Variants in POP1 observed in about 807,000 individuals in gnomAD.
POP1 encodes POP1 ribonuclease P/MRP subunit.
In POP1, 75 loss-of-function variants were observed where a neutral mutation model predicts 102.2. The ratio of observed to expected loss-of-function variants is 0.73; its 90% CI spans 0.61 to 0.89. POP1 has a LOEUF of 0.89. POP1 is among the 40% of genes least tolerant of loss of function. The pLI, the probability that POP1 is intolerant of heterozygous loss-of-function variation, is 0.00. For synonymous variants in POP1, 436 were observed against 464.1 expected (o/e 0.94, Z 0.78); for missense variants, 1,116 against 1,267.4 (o/e 0.88, Z 1.81).
Position 98,146,576 on chromosome 8 carries a change from A to G in POP1, c.1603A>G (p.Lys535Glu), listed in dbSNP as rs751016276. Residue 535 changes from lysine (K) to glutamate (E), a missense_variant, in exon 12 of 16, where the codon AAA (lysine) becomes GAA (glutamate). Physicochemically the swap from Lys to Glu is moderately conservative, Grantham distance 56. Transcript: ENST00000401707. The stretch of plus-strand genomic sequence containing the variant: ...TTTCTTTTCCCTCTTAGATAATGAG[A>G]AAGTTAGACAGCTGCTTCTGGAGGG... ...PNPEKCQDNE[K>E]VRQLLLEGVP... 33 of 1,613,174 alleles carry G rather than the reference A, an allele frequency of 2.0e-5. No homozygotes were observed. Among genetic ancestry groups the G allele is most frequent in the Non-Finnish European group, 2.8e-5 (33 of 1,179,114 alleles).
At chr8:98,123,507 G>T in intron 2 of POP1, 28 bp downstream of exon 2, 1 of 1,606,326 alleles carries the variant, frequency 6.2e-7, no homozygotes, top group South Asian at 1.1e-5. Context: ...GACCAGGCAT[G>T]GTGGCTCACG....
At chr8:98,156,020 A>C in intron 14 of POP1, 30 bp from the exon 15 acceptor site, 1 of 1,611,672 alleles carries the variant, frequency 6.2e-7, no homozygotes. Flanking sequence ...AAATTGTTCA[A>C]CATTGGTTCT....
chr8:98,129,913 C>T, intron 4 of POP1, 65 bp from the exon 5 acceptor site: 14 of 1,564,604 alleles, frequency 8.9e-6, no homozygotes, highest in Non-Finnish European at 1.1e-5. Flanking sequence ...GTTTGCATTC[C>T]TGACCGTTAA....
chr8:98,156,420 T>G lies in POP1; in HGVS notation c.2420+8T>G, dbSNP rs777455378. ...TCACCTCTGCGTTCTCAGGTAAGTG[T>G]CGGTGACTTCTGGGTACATTTTGGA... On this transcript the variant is annotated splice_region_variant and intron_variant, in intron 15 of 15. Coordinates refer to ENST00000401707, the MANE Select transcript of POP1 (RefSeq NM_001145860.2). 14 of 1,613,286 alleles carry G rather than the reference T, an allele frequency of 8.7e-6. No homozygotes were observed. The highest frequency in any genetic ancestry group is 1.3e-5 in the African/African-American group (1 of 74,908).
intron 11 of POP1, among the ~76,000 whole-genome samples, chr8:98,142,818 T>C (rs992625747): frequency 6.6e-6 from 1 of 152,220 alleles, no homozygotes; most frequent in Non-Finnish European, 1.5e-5. Flanking sequence ...TTATATTTTA[T>C]AGCTCTTGCA....
Position 98,134,053 on chromosome 8 carries a change from G to GC in POP1, c.823+18dup. 6.5e-7 allele frequency: 1 copy of GC among 1,545,492 alleles called. No homozygotes were observed. The highest frequency in any genetic ancestry group is 1.4e-5 in the African/African-American group (1 of 73,580). The stretch of plus-strand genomic sequence containing the variant: ...TAGACACAGGTAAACTTGTTTTAAA[G>GC]CTGAGTTCTATTTTAGTCTATGTAT... On this transcript the variant is annotated intron_variant, in intron 6 of 15. Coordinates refer to ENST00000401707, the MANE Select transcript of POP1 (RefSeq NM_001145860.2).
In POP1 at chr8:98,134,029, A is replaced by G; in HGVS notation, c.816A>G (p.Ile272Met). 2 of 1,605,962 alleles carry G rather than the reference A, an allele frequency of 1.2e-6. No homozygotes were observed. The highest frequency in any genetic ancestry group is 1.7e-6 in the Non-Finnish European group (2 of 1,172,514). The change falls in exon 6 of 16, where the codon ATA becomes ATG. Residue 272 changes from isoleucine to methionine, a missense_variant. Ile to Met is a conservative substitution (Grantham distance 10). Coordinates refer to ENST00000401707, the MANE Select transcript of POP1 (RefSeq NM_001145860.2). ...ILKALSGMCN[I>M]DTGLTFAAVH... The stretch of plus-strand genomic sequence containing the variant: ...AGGCGCTTTCTGGAATGTGTAACAT[A>G]GACACAGGTAAACTTGTTTTAAAGC...
rs568730921 is a variant in POP1, at chr8:98,125,330, C to T, written c.142+1851C>T. Among the ~76,000 whole-genome samples the T allele has an allele frequency of 1.9e-4, 29 of 151,658 alleles. No homozygotes were observed. The South Asian group carries it at 6.0e-3, about 32-fold the overall frequency. ...CCTCCTGAGTAGCTGAGACTACAGG[C>T]GTGTGCTGCCACTCTTGGCTAATTT... On this transcript the variant is annotated intron_variant, in intron 2 of 15. Coordinates refer to ENST00000401707, the MANE Select transcript of POP1 (RefSeq NM_001145860.2).
chr8:98,134,557 A>C lies in POP1; in HGVS notation c.909A>C (p.Glu303Asp). ...ATCGGGTGAATAAATATCCCAGAGA[A>C]ATGCTTGGGCCTGTTACGTTTATCT... ...VLYRVNKYPR[E>D]MLGPVTFIWK... The change falls in exon 7 of 16, where the codon GAA (glutamate) becomes GAC (aspartate). Residue 303 changes from glutamate (E) to aspartate (D), a missense_variant. By Grantham distance (45) the Glu-to-Asp change is conservative. Transcript: ENST00000401707. 6.2e-7 allele frequency: 1 copy of C among 1,614,166 alleles called. No individual in the cohort carries two copies. Among genetic ancestry groups the C allele is most frequent in the Non-Finnish European group, 8.5e-7 (1 of 1,180,004 alleles).
chr8:98,127,690 A>T lies in POP1; in HGVS notation c.238A>T (p.Met80Leu), dbSNP rs766507832. ...GAATGAGCAGTCTTCCTCCAAAGGG[A>T]TGTTTAGAAAAAAGGGAGGATGGAA... ...EVNEQSSSKGMFRKKGGWKAG... is the reference protein window; with the variant it reads ...EVNEQSSSKGLFRKKGGWKAG... Residue 80 changes from methionine to leucine, a missense_variant, in exon 3 of 16, where the codon ATG becomes TTG. By Grantham distance (15) the Met-to-Leu change is conservative (BLOSUM62 2). Transcript: ENST00000401707. 6.2e-7 allele frequency: 1 copy of T among 1,614,110 alleles called. No homozygotes were observed. The highest frequency in any genetic ancestry group is 8.5e-7 in the Non-Finnish European group (1 of 1,180,002).
intron 11 of POP1, among the ~76,000 whole-genome samples, chr8:98,145,687 C>T (rs1816825008): frequency 6.6e-6 from 1 of 152,162 alleles, no homozygotes; most frequent in African/African-American, 2.4e-5. Context: ...AGGTGGATCA[C>T]TTGAGGTCAC....
At chr8:98,145,162 T>C (rs1816810398) in intron 11 of POP1, among the ~76,000 whole-genome samples, 1 of 152,228 alleles carries the variant, frequency 6.6e-6, no homozygotes, top group Non-Finnish European at 1.5e-5. Flanking sequence ...GTGCTGGGAT[T>C]ATAGACATGA....
chr8:98,133,966 T>C lies in POP1; in HGVS notation c.753T>C (p.Cys251=). Residue 251 remains cysteine (C), a synonymous_variant, in exon 6 of 16, where the codon TGT becomes TGC. Transcript: ENST00000401707. ...RCLLQDLSYY[C]CLELKGKEEE... is the part of the protein sequence containing the mutation. ...TTGTGCAGGATTTATCCTATTACTG[T>C]TGTTTGGAGTTGAAAGGCAAAGAGG... 1 of 1,613,038 alleles carries C rather than the reference T, an allele frequency of 6.2e-7. No homozygotes were observed. Among genetic ancestry groups the C allele is most frequent in the South Asian group, 1.1e-5 (1 of 91,058 alleles).
At position 98,158,703 on chromosome 8, in the gene POP1, G is replaced by A; in HGVS notation, c.*432G>A. Reference sequence around the variant, plus strand: ...AGACAAGAGAAGACGCTTGGCCTCTGTACATGAAATATGGGCTCCTGATGG... The same window carrying A: ...AGACAAGAGAAGACGCTTGGCCTCTATACATGAAATATGGGCTCCTGATGG... On this transcript the variant is annotated 3_prime_UTR_variant, in exon 16 of 16. Coordinates refer to ENST00000401707, the MANE Select transcript of POP1 (RefSeq NM_001145860.2). 1 of 173,296 alleles carries A rather than the reference G, an allele frequency of 5.8e-6. No individual in the cohort carries two copies. Among genetic ancestry groups the A allele is most frequent in the Non-Finnish European group, 1.2e-5 (1 of 81,272 alleles). The allele number at this position is 173,296 out of a possible 1,614,324, so 10.7% of individuals were successfully genotyped here. A position where few individuals can be genotyped will look rare whatever the true frequency, so the allele number is the denominator to read the frequency against.
In POP1 at chr8:98,134,030, GAC is replaced by G. The variant is rs777624241; in HGVS notation, c.821_822del (p.Thr274ArgfsTer25). 2.5e-6 allele frequency: 4 copies of G among 1,605,734 alleles called. No homozygotes were observed. The South Asian group carries it at 4.4e-5, about 18-fold the overall frequency. The part of the protein sequence containing the change: ...LKALSGMCNI[D>X]TGLTFAAVHC... ...GGCGCTTTCTGGAATGTGTAACATA[GAC>G]ACAGGTAAACTTGTTTTAAAGCTGA... On this transcript the variant is annotated frameshift_variant, in exon 6 of 16. Coordinates refer to ENST00000401707, the MANE Select transcript of POP1 (RefSeq NM_001145860.2). LOFTEE classifies it high-confidence loss of function.
rs368531021 is a variant in POP1 at position 98,140,859 on chromosome 8, A to G, written c.1565A>G (p.Lys522Arg). 4 of 1,614,090 alleles carry G rather than the reference A, an allele frequency of 2.5e-6. No homozygotes were observed. The highest frequency in any genetic ancestry group is 2.5e-6 in the Non-Finnish European group (3 of 1,179,950). ...ATAAATTTGCCCCAAAAGAAGTCCAAAGCTTTGCCCAATCCAGAAAAATGC... is the reference window on the plus strand; with the variant it reads ...ATAAATTTGCCCCAAAAGAAGTCCAGAGCTTTGCCCAATCCAGAAAAATGC... ...PRINLPQKKS[K>R]ALPNPEKCQD... Residue 522 changes from lysine to arginine, a missense_variant, in exon 11 of 16, where the codon AAA becomes AGA. Transcript: ENST00000401707.
Position 98,158,094 on chromosome 8 carries a change from T to G in POP1, c.2898T>G (p.Phe966Leu), listed in dbSNP as rs1809705679. Residue 966 changes from phenylalanine to leucine, a missense_variant, in exon 16 of 16, where the codon TTT (phenylalanine) becomes TTG (leucine). Physicochemically the swap from Phe to Leu is conservative, Grantham distance 22. Coordinates refer to ENST00000401707, the MANE Select transcript of POP1 (RefSeq NM_001145860.2). The part of the protein sequence containing the change: ...TLHCSRTLLG[F>L]VTQGDFSMAV... ...ACTGCTCCAGAACTCTCCTAGGCTT[T>G]GTGACTCAGGGAGATTTTTCCATGG... 1 of 1,605,544 alleles carries G rather than the reference T, an allele frequency of 6.2e-7. No individual in the cohort carries two copies. Among genetic ancestry groups the G allele is most frequent in the East Asian group, 2.2e-5 (1 of 44,798 alleles).
At chr8:98,120,214 C>T (rs1482614113) in intron 1 of POP1, among the ~76,000 whole-genome samples, 1 of 152,218 alleles carries the variant, frequency 6.6e-6, no homozygotes, top group Non-Finnish European at 1.5e-5. Flanking sequence ...ACTAGCCAGC[C>T]AGTTCTGCAG....
chr8:98,134,676 T>C lies in POP1; in HGVS notation c.1011+17T>C, dbSNP rs759674804. ...CTTAAACAGGTATAATCCTTCAGGT[T>C]ATCTCCCGTCATTCTGAAACTGCAT... On this transcript the variant is annotated intron_variant, in intron 7 of 15. Coordinates refer to ENST00000401707, the MANE Select transcript of POP1 (RefSeq NM_001145860.2). The C allele has an allele frequency of 6.3e-7, 1 of 1,591,054 alleles. No individual in the cohort carries two copies. The highest frequency in any genetic ancestry group is 8.6e-7 in the Non-Finnish European group (1 of 1,159,052).
Sources: allele counts gnomAD v4.1 joint callset (sites outside exome capture counted in the v4.1 genomes callset), GRCh38; gene constraint gnomAD v4.1.1; transcripts MANE v1.5; gene names NCBI Gene and HGNC (gene_info 2026-07-23, HGNC 2026-07-21).